Variants in RTTN observed in about 807,000 individuals in gnomAD.
RTTN encodes the protein rotatin.
Under a neutral mutation model 269.2 loss-of-function variants are expected in RTTN, and 182 were observed. The ratio of observed to expected loss-of-function variants is 0.68; its 90% confidence interval spans 0.60 to 0.76. The LOEUF (loss-of-function observed/expected upper bound fraction) is 0.76, where lower values mean the gene tolerates loss of function less well. Among genes scored for constraint, RTTN ranks in the 30% least tolerant of loss-of-function variants. The pLI is 0.00. For missense variants in RTTN, 2,545 were observed against 2,608.6 expected (o/e 0.98, Z 0.53); for synonymous variants, 1,006 against 963.5 (o/e 1.04, Z -0.82).
chr18:70,031,290 A>G (rs1032959260), intron 40 of RTTN: 3 of 454,922 alleles, frequency 6.6e-6, no homozygotes, highest in Non-Finnish European at 1.2e-5. Context: ...TATTGTATAT[A>G]TATGTGTGTA....
chr18:70,039,637 TAGTA>T (rs1386255272), intron 40 of RTTN, among the ~76,000 whole-genome samples: 1 of 152,130 alleles, frequency 6.6e-6, no homozygotes, highest in African/African-American at 2.4e-5. Context: ...TCACTGGTAA[TAGTA>T]AGCACGCAGA....
At chr18:70,038,590 C>A (rs2057245918) in intron 40 of RTTN, among the ~76,000 whole-genome samples, 1 of 152,152 alleles carries the variant, frequency 6.6e-6, no homozygotes, top group African/African-American at 2.4e-5. Flanking sequence ...CCTGGGAAGC[C>A]TCCTCAAGGA....
chr18:70,101,955 C>A (rs4417629), intron 28 of RTTN, among the ~76,000 whole-genome samples: 125,645 of 152,162 alleles, frequency 0.83, 55,237 homozygotes, highest in East Asian at 1. Context: ...TTTATCATAA[C>A]TTCTGTTCTT....
intron 38 of RTTN, among the ~76,000 whole-genome samples, chr18:70,052,031 T>C (rs2057685429): frequency 6.6e-6 from 1 of 152,180 alleles, no homozygotes; most frequent in Non-Finnish European, 1.5e-5. Flanking sequence ...CCAAGAAAAG[T>C]ATCATCCCAC....
In RTTN at chr18:70,162,673, G is replaced by A. The variant is rs560638678; in HGVS notation, c.1929+3389C>T. 9.2e-5 allele frequency among the ~76,000 whole-genome samples: 14 copies of A among 152,090 alleles called. No homozygotes were observed. In the South Asian group the frequency reaches 2.5e-3, roughly 27 times the overall value. ...CCTCCTCCCACTGGGTCCCTCCCAC[G>A]ACACGTGGGGATTACAGAATTACAA... On this transcript the variant is annotated intron_variant, in intron 14 of 48. Transcript: ENST00000640769.
chr18:70,129,675 G>C (rs1444817181), intron 23 of RTTN: 1 of 151,866 alleles, frequency 6.6e-6, no homozygotes, highest in Non-Finnish European at 1.5e-5. Flanking sequence ...GAAACTACTA[G>C]AAGAAAACAT....
chr18:70,193,214 T>C (rs1267501891), intron 8 of RTTN, 74 bp downstream of exon 8: 19 of 1,168,212 alleles, frequency 1.6e-5, no homozygotes, highest in African/African-American at 3.2e-5. Context: ...AAAATAATTA[T>C]CTCCTTCTGA....
At chr18:70,036,636 AC>A (rs941071290) in intron 40 of RTTN, among the ~76,000 whole-genome samples, 1 of 152,048 alleles carries the variant, frequency 6.6e-6, no homozygotes, top group Admixed American at 6.5e-5. Flanking sequence ...TATACACCAA[AC>A]CCCCATGATA....
In RTTN at chr18:70,203,411, G is replaced by A. The variant is rs550946922; in HGVS notation, c.397+675C>T. On this transcript the variant is annotated intron_variant, in intron 3 of 48. Transcript: ENST00000640769. ...TTAGTAGTGACGGGGCACCATGTTG[G>A]TCAGGCTGGTCTTGAACTTCTGACC... Among the ~76,000 whole-genome samples, 12 of 152,196 alleles carry A rather than the reference G, an allele frequency of 7.9e-5. No homozygotes were observed. In the South Asian group the frequency reaches 2.5e-3, roughly 32 times the overall value.
intron 27 of RTTN, among the ~76,000 whole-genome samples, chr18:70,112,678 AGACC>A (rs772361317): frequency 6.6e-6 from 1 of 152,140 alleles, no homozygotes; most frequent in Non-Finnish European, 1.5e-5. Context: ...AAGTTCTTAG[AGACC>A]TACAAAGAGA....
chr18:70,180,437 C>A (rs2061397550), intron 10 of RTTN, among the ~76,000 whole-genome samples: 1 of 152,092 alleles, frequency 6.6e-6, no homozygotes, highest in African/African-American at 2.4e-5. Flanking sequence ...CAAAAATTAG[C>A]CAGGAGTGGT....
At chr18:70,108,646 T>C (rs1216147331) in intron 28 of RTTN, among the ~76,000 whole-genome samples, 1 of 152,038 alleles carries the variant, frequency 6.6e-6, no homozygotes, top group Admixed American at 6.6e-5. Flanking sequence ...TCCACTAACA[T>C]ATAAAAAGAG....
rs559894064 is a variant in RTTN at position 70,090,280 on chromosome 18, CCCTATAACT to C, written c.4143+1821_4143+1829del. ...GCCTGAAACCACAGATAGTGCTGAG[CCCTATAACT>C]ACTATGTTTTCTCCTACACATACAT... On this transcript the variant is annotated intron_variant, in intron 30 of 48. Transcript: ENST00000640769. 2.1e-3 allele frequency among the ~76,000 whole-genome samples: 319 copies of C among 152,226 alleles called. 1 individual carries two copies. Among genetic ancestry groups the C allele is most frequent in the African/African-American group, 7.6e-3 (315 of 41,532 alleles).
At position 70,030,909 on chromosome 18, in the gene RTTN, C is replaced by T. The variant is rs1568267084; in HGVS notation, c.5614G>A (p.Val1872Ile). 1 of 1,613,744 alleles carries T rather than the reference C, an allele frequency of 6.2e-7. No homozygotes were observed. The highest frequency in any genetic ancestry group is 1.1e-5 in the South Asian group (1 of 91,034). ...AANALMSLLA[V>I]SRRAQKHALK... ...GCATGTTTCTGTGCTCTTCTACTGA[C>T]AGCCAGCAGTGACATCAATGCATTT... The change falls in exon 41 of 49, where the codon GTC (valine) becomes ATC (isoleucine). Residue 1872 changes from valine to isoleucine, a missense_variant. Physicochemically the swap from Val to Ile is conservative, Grantham distance 29. Transcript: ENST00000640769.
At chr18:70,087,296 C>G (rs1025770898) in intron 31 of RTTN, among the ~76,000 whole-genome samples, 1 of 152,186 alleles carries the variant, frequency 6.6e-6, no homozygotes, top group Non-Finnish European at 1.5e-5. Flanking sequence ...TTCTAAGAAA[C>G]TGACATTTCC....
chr18:70,184,976 T>C (rs1402008535), intron 10 of RTTN, among the ~76,000 whole-genome samples: 1 of 151,878 alleles, frequency 6.6e-6, no homozygotes, highest in East Asian at 1.9e-4. Flanking sequence ...TATAGCTAAC[T>C]ATAAGCCTTC....
chr18:70,073,214 T>C lies in RTTN; in HGVS notation c.4653+692A>G, dbSNP rs2058342543. On this transcript the variant is annotated intron_variant, in intron 34 of 48. Transcript: ENST00000640769. ...TTGAGAATAAATGATTCTGTATGTT[T>C]GTAAATAACTGAAACCTAGTATCAA... is the stretch of plus-strand genomic sequence containing the variant. 5.3e-5 allele frequency among the ~76,000 whole-genome samples: 8 copies of C among 152,128 alleles called. No homozygotes were observed. The South Asian group carries it at 1.7e-3, about 31-fold the overall frequency.
intron 46 of RTTN, among the ~76,000 whole-genome samples, chr18:70,013,943 T>C (rs2056468157): frequency 6.6e-6 from 1 of 152,198 alleles, no homozygotes; most frequent in South Asian, 2.1e-4. Flanking sequence ...CTTTTTAGCT[T>C]TCTCTGCTGC....
chr18:70,033,057 C>T (rs1228923839), intron 40 of RTTN, among the ~76,000 whole-genome samples: 1 of 152,194 alleles, frequency 6.6e-6, no homozygotes, highest in Non-Finnish European at 1.5e-5. Context: ...GGGGTAGATC[C>T]TTCATGAATG....
Sources: gnomAD v4.1 joint callset for allele counts (sites outside exome capture counted in the v4.1 genomes callset) on GRCh38, gnomAD v4.1.1 for gene constraint, MANE v1.5 for transcripts, NCBI Gene and HGNC (gene_info 2026-07-23, HGNC 2026-07-21) for gene names.